Variants in UBA3 observed in about 807,000 individuals in gnomAD.
UBA3 encodes NEDD8-activating enzyme E1 catalytic subunit.
Under a neutral mutation model 73.5 loss-of-function variants are expected in UBA3, and 26 were observed. The observed-to-expected ratio is 0.35, with a 90% confidence interval of 0.26 to 0.49. The LOEUF is 0.49. UBA3 is among the 20% of genes least tolerant of loss of function. The pLI, the probability that UBA3 is intolerant of heterozygous loss-of-function variation, is 0.98. For synonymous variants in UBA3, 217 were observed against 191.2 expected, an observed-to-expected ratio of 1.13 and a Z score of -1.11; for missense variants, 495 against 555.6, an observed-to-expected ratio of 0.89 and a Z score of 1.10.
chr3:69,056,528 GGGT>G lies in UBA3; in HGVS notation c.1083+81_1083+83del. On this transcript the variant is annotated intron_variant, in intron 14 of 17. Coordinates refer to ENST00000361055, the MANE Select transcript of UBA3 (RefSeq NM_003968.4). Reference sequence around the variant, plus strand: ...GAGTTCTGGAAGTTAGAAAATGTATGGGTGACTTTGTTCAAATTTCTAACCAAT... The same window carrying G: ...GAGTTCTGGAAGTTAGAAAATGTATGGACTTTGTTCAAATTTCTAACCAAT... 9 of 1,198,744 alleles carry G rather than the reference GGGT, an allele frequency of 7.5e-6. No individual in the cohort carries two copies. In the South Asian group the frequency reaches 1.1e-4, roughly 15 times the overall value. 74.3% of individuals were successfully genotyped at this position (1,198,744 alleles called of 1,614,324 possible).
rs1033367963 is a variant in UBA3, at chr3:69,056,433, G to C, written c.1084-150C>G. On this transcript the variant is annotated intron_variant, in intron 14 of 17. Coordinates refer to ENST00000361055, the MANE Select transcript of UBA3 (RefSeq NM_003968.4). ...GCTTTAAAGCCTGCTTTTCATAATA[G>C]ACCATTTCTTGTAAATTACTTCGCT... 21 of 849,586 alleles carry C rather than the reference G, an allele frequency of 2.5e-5. No individual in the cohort carries two copies. The South Asian group carries it at 4.1e-4, about 17-fold the overall frequency. 52.6% of individuals were successfully genotyped at this position (849,586 alleles called of 1,614,324 possible). A position where few individuals can be genotyped will look rare whatever the true frequency, so the allele number is the denominator to read the frequency against.
intron 6 of UBA3, among the ~76,000 whole-genome samples, 189 bp downstream of exon 6, chr3:69,067,739 T>G (rs1360719741): frequency 6.6e-6 from 1 of 152,134 alleles, no homozygotes; most frequent in African/African-American, 2.4e-5. Context: ...CAAAAAATAT[T>G]TATATAACCA....
chr3:69,078,083 C>T (rs1244208292), intron 2 of UBA3, among the ~76,000 whole-genome samples, 165 bp from the exon 3 acceptor site: 3 of 152,144 alleles, frequency 2.0e-5, no homozygotes, highest in Non-Finnish European at 4.4e-5. Flanking sequence ...TTTTTCTTGC[C>T]TATTATACAA....
chr3:69,063,145 A>G lies in UBA3; in HGVS notation c.538-8T>C, dbSNP rs368265158. 75 of 1,613,360 alleles carry G rather than the reference A, an allele frequency of 4.6e-5. No homozygotes were observed. In the African/African-American group the frequency reaches 8.9e-4, roughly 19 times the overall value. ...ATAATTTAGAAGAGATATCTAGGAA[A>G]ACAATTTGAAGGGCTTTAAAGGAGA... On this transcript the variant is annotated splice_polypyrimidine_tract_variant and splice_region_variant and intron_variant, in intron 8 of 17. Coordinates refer to ENST00000361055, the MANE Select transcript of UBA3 (RefSeq NM_003968.4).
rs1315323114 is a variant in UBA3 at position 69,055,419 on chromosome 3, A to C, written c.*18T>G. 11 of 1,455,606 alleles carry C rather than the reference A, an allele frequency of 7.6e-6. No homozygotes were observed. The highest frequency in any genetic ancestry group is 1.0e-5 in the Non-Finnish European group (11 of 1,098,124). The allele number at this position is 1,455,606 out of a possible 1,614,324, so 90.2% of individuals were successfully genotyped here. A position where few individuals can be genotyped will look rare whatever the true frequency, so the allele number is the denominator to read the frequency against. On this transcript the variant is annotated 3_prime_UTR_variant, in exon 18 of 18. Transcript: ENST00000361055. Reference sequence around the variant, plus strand: ...AGTATATTATTTCCATGAGTTTTCTATTATGTGGAGATTTTCCTTAAGAAG... The same window carrying C: ...AGTATATTATTTCCATGAGTTTTCTCTTATGTGGAGATTTTCCTTAAGAAG...
At chr3:69,060,524 T>C (rs540859847) in intron 11 of UBA3, among the ~76,000 whole-genome samples, 8 of 152,364 alleles carry the variant, frequency 5.3e-5, no homozygotes, top group African/African-American at 1.7e-4. Context: ...TAATGCTGCA[T>C]GTTGGCCTGA....
chr3:69,066,571 G>T (rs1439877118), intron 6 of UBA3, among the ~76,000 whole-genome samples: 1 of 152,016 alleles, frequency 6.6e-6, no homozygotes, highest in Admixed American at 6.6e-5. Context: ...AGCCTCCTGA[G>T]TAGCTGGGAG....
At position 69,075,457 on chromosome 3, in the gene UBA3, G is replaced by T; in HGVS notation, c.237C>A (p.Gly79=). 13 of 1,564,240 alleles carry T rather than the reference G, an allele frequency of 8.3e-6. No homozygotes were observed. The highest frequency in any genetic ancestry group is 1.2e-5 in the South Asian group (1 of 83,610). ...TCKVLVIGAG[G]LGCELLKNLA... ...GATTTTTCAGGAGCTCACATCCTAA[G>T]CCGCCAGCTCCAATGACTAGAACTT... Residue 79 remains glycine, a synonymous_variant, in exon 4 of 18, where the codon GGC becomes GGA. Transcript: ENST00000361055.
chr3:69,055,951 A>G, intron 16 of UBA3, 46 bp from the exon 17 acceptor site: 2 of 1,593,600 alleles, frequency 1.3e-6, no homozygotes, highest in South Asian at 2.3e-5. Flanking sequence ...AAAGTAAAAT[A>G]AAACTTGATA....
chr3:69,071,863 T>C (rs1381944888), intron 4 of UBA3, among the ~76,000 whole-genome samples: 5 of 152,206 alleles, frequency 3.3e-5, no homozygotes, highest in Admixed American at 3.3e-4. Flanking sequence ...TTTCTACGGA[T>C]TGAAACTATT....
intron 5 of UBA3, 125 bp downstream of exon 5, chr3:69,071,406 TTTTG>T: frequency 1.7e-6 from 1 of 574,336 alleles, no homozygotes. Context: ...GAATGGTAGT[TTTTG>T]TTTTTTAAAA....
rs1041085271 is a variant in UBA3 at position 69,067,927 on chromosome 3, C to T, written c.428+1G>A. On this transcript the variant is annotated splice_donor_variant, in intron 6 of 17. Coordinates refer to ENST00000361055, the MANE Select transcript of UBA3 (RefSeq NM_003968.4). LOFTEE classifies it high-confidence loss of function. ...TAATTTTCTTTTTGTCAAAAGGATA[C>T]GGAACTACATTGCAATTAGGAACTC... 1.1e-5 allele frequency: 18 copies of T among 1,596,626 alleles called. No homozygotes were observed. Among genetic ancestry groups the T allele is most frequent in the Admixed American group, 5.1e-5 (3 of 58,870 alleles).
chr3:69,055,376 A>G lies in UBA3; in HGVS notation c.*61T>C. 1 of 1,125,372 alleles carries G rather than the reference A, an allele frequency of 8.9e-7. No homozygotes were observed. The highest frequency in any genetic ancestry group is 1.2e-6 in the Non-Finnish European group (1 of 820,244). 69.7% of individuals were successfully genotyped at this position (1,125,372 alleles called of 1,614,324 possible). ...TATTGCTAAAAATGACATCGATTCA[A>G]CTTCTTAGCATCCACAAAGTATATT... On this transcript the variant is annotated 3_prime_UTR_variant, in exon 18 of 18. Coordinates refer to ENST00000361055, the MANE Select transcript of UBA3 (RefSeq NM_003968.4).
chr3:69,074,082 T>C (rs6777032), intron 4 of UBA3, among the ~76,000 whole-genome samples: 38,286 of 152,110 alleles, frequency 0.25, 5,110 homozygotes, highest in East Asian at 0.38. Context: ...AAAGAAGAGG[T>C]CACTCCTTAA....
rs1244731203 is a variant in UBA3, at chr3:69,075,359, A to AT, written c.264+70dup. ...TAAGAATCACGAGAAATTCCCTAGT[A>AT]TGACAGATAAGTAAGGTTTACTTAT... On this transcript the variant is annotated intron_variant, in intron 4 of 17. Coordinates refer to ENST00000361055, the MANE Select transcript of UBA3 (RefSeq NM_003968.4). The AT allele has an allele frequency of 7.0e-6, 5 of 716,390 alleles. No individual in the cohort carries two copies. In the Admixed American group the frequency reaches 1.7e-4, roughly 24 times the overall value. The allele number at this position is 716,390 out of a possible 1,614,324, so 44.4% of individuals were successfully genotyped here.
chr3:69,075,801 G>A (rs1389919370), intron 3 of UBA3, among the ~76,000 whole-genome samples: 5 of 151,636 alleles, frequency 3.3e-5, no homozygotes, highest in Non-Finnish European at 7.4e-5. Context: ...ATGGGATCTC[G>A]GCTCACTGCA....
At position 69,055,468 on chromosome 3, in the gene UBA3, G is replaced by A. The variant is rs2091964855; in HGVS notation, c.1361C>T (p.Thr454Ile). 1.3e-6 allele frequency: 2 copies of A among 1,570,970 alleles called. No individual in the cohort carries two copies. The highest frequency in any genetic ancestry group is 1.7e-6 in the Non-Finnish European group (2 of 1,167,940). The change falls in exon 18 of 18, where the codon ACT (threonine) becomes ATT (isoleucine). Residue 454 changes from threonine (T) to isoleucine (I), a missense_variant. Coordinates refer to ENST00000361055, the MANE Select transcript of UBA3 (RefSeq NM_003968.4). ...LAVADVTTPQTVLFKLHFTS is the reference protein window; with the variant it reads ...LAVADVTTPQIVLFKLHFTS Reference sequence around the variant, plus strand: ...AGTAAAATGAAGTTTGAATAGTACAGTCTGTGGGGTGGTGACATCAGCAAC... The same window carrying A: ...AGTAAAATGAAGTTTGAATAGTACAATCTGTGGGGTGGTGACATCAGCAAC...
intron 11 of UBA3, among the ~76,000 whole-genome samples, chr3:69,058,032 G>A (rs1234361731): frequency 3.4e-5 from 5 of 146,334 alleles, no homozygotes; most frequent in African/African-American, 5.0e-5. Flanking sequence ...CTGGGTTCAC[G>A]CCATTCTCCT....
At chr3:69,063,601 G>C in intron 7 of UBA3, 98 bp from the exon 8 acceptor site, 1 of 978,506 alleles carries the variant, frequency 1.0e-6, no homozygotes, top group Non-Finnish European at 1.5e-6. Flanking sequence ...GTACCACTCT[G>C]GTGCAAGATG....
Sources: gnomAD v4.1 joint callset for allele counts (sites outside exome capture counted in the v4.1 genomes callset) on GRCh38, gnomAD v4.1.1 for gene constraint, MANE v1.5 for transcripts, NCBI Gene and HGNC (gene_info 2026-07-23, HGNC 2026-07-21) for gene names.